Variants in SYNPR observed in about 807,000 individuals in gnomAD.
SYNPR encodes synaptoporin.
SYNPR carries 23 observed loss-of-function variants against 32.9 expected under a neutral mutation model. The observed-to-expected ratio is 0.70, with a 90% confidence interval of 0.50 to 0.99. The LOEUF (loss-of-function observed/expected upper bound fraction) is 0.99, where lower values mean the gene tolerates loss of function less well. SYNPR is among the 50% of genes least tolerant of loss of function. The probability of loss-of-function intolerance (pLI) is 0.00; values close to 1 mark genes in which losing one functional copy is unlikely to be tolerated. For synonymous variants in SYNPR, 146 were observed against 135.9 expected (o/e 1.07, Z -0.52); for missense variants, 318 against 349.3 (o/e 0.91, Z 0.71).
chr3:63,452,950 G>A (rs1288286604), intron 2 of SYNPR, among the ~76,000 whole-genome samples: 1 of 152,126 alleles, frequency 6.6e-6, no homozygotes, highest in Non-Finnish European at 1.5e-5. Flanking sequence ...TGTATGTACT[G>A]AGAGTGTCGA....
upstream of SYNPR, among the ~76,000 whole-genome samples, chr3:63,226,257 G>A (rs1483540177): frequency 1.3e-5 from 2 of 152,092 alleles, no homozygotes; most frequent in African/African-American, 4.8e-5. Flanking sequence ...TAGTGGGAAT[G>A]TAAATTAGTA....
intron 2 of SYNPR, among the ~76,000 whole-genome samples, chr3:63,472,146 T>G (rs1277030652): frequency 6.6e-6 from 1 of 152,184 alleles, no homozygotes; most frequent in Non-Finnish European, 1.5e-5. Context: ...TTCTGAACAT[T>G]GATGTGACAG....
chr3:63,251,636 G>A (rs559631271), intron 1 of SYNPR, among the ~76,000 whole-genome samples: 104 of 152,200 alleles, frequency 6.8e-4, no homozygotes, highest in Middle Eastern at 3.4e-3. Flanking sequence ...TGAGAGCAAC[G>A]TAGACATATC....
chr3:63,236,877 G>A (rs908879412), intron 1 of SYNPR, among the ~76,000 whole-genome samples: 1 of 151,966 alleles, frequency 6.6e-6, no homozygotes, highest in African/African-American at 2.4e-5. Context: ...CATTTCAGAG[G>A]CTAGAATTTC....
intron 3 of SYNPR, among the ~76,000 whole-genome samples, chr3:63,540,708 A>G (rs1179732971): frequency 6.6e-6 from 1 of 152,052 alleles, no homozygotes; most frequent in Admixed American, 6.6e-5. Context: ...CACTAGACAA[A>G]TATGTATTGG....
At chr3:63,595,981 A>ATATATATAGCTTTATATATATAGTTT (rs1699953827) in intron 4 of SYNPR, among the ~76,000 whole-genome samples, 1 of 121,942 alleles carries the variant, frequency 8.2e-6, no homozygotes, top group Non-Finnish European at 1.7e-5. Flanking sequence ...ATAGTTTTAT[A>ATATATATAGCTTTATATATATAGTTT]TATATATAGT....
chr3:63,448,996 G>A (rs1700331697), intron 2 of SYNPR, among the ~76,000 whole-genome samples: 2 of 152,180 alleles, frequency 1.3e-5, no homozygotes, highest in African/African-American at 4.8e-5. Context: ...GTAGGAAGCA[G>A]GGAGCTGGAA....
At position 63,431,716 on chromosome 3, in the gene SYNPR, G is replaced by C. The variant is rs187407565; in HGVS notation, c.85-49116G>C. 8.0e-5 allele frequency among the ~76,000 whole-genome samples: 12 copies of C among 150,670 alleles called. No individual in the cohort carries two copies. The East Asian group carries it at 2.1e-3, about 27-fold the overall frequency. ...TGTGAACTGTTACACGAATCATCAA[G>C]CCCATTAAAAACAAAACCAACAAAC... On this transcript the variant is annotated intron_variant, in intron 2 of 5. Transcript: ENST00000478300.
chr3:63,398,854 A>G (rs2088253200), intron 2 of SYNPR, among the ~76,000 whole-genome samples: 4 of 152,198 alleles, frequency 2.6e-5, no homozygotes. Flanking sequence ...GTGAACTGGG[A>G]AGAAGGTAAG....
intron 2 of SYNPR, among the ~76,000 whole-genome samples, chr3:63,465,436 C>A (rs1367645060): frequency 6.6e-6 from 1 of 151,980 alleles, no homozygotes; most frequent in African/African-American, 2.4e-5. Flanking sequence ...CTTTAAAAAG[C>A]ATGAAAACTA....
chr3:63,575,887 T>G (rs1702971457), intron 4 of SYNPR, among the ~76,000 whole-genome samples: 1 of 152,220 alleles, frequency 6.6e-6, no homozygotes, highest in Admixed American at 6.5e-5. Flanking sequence ...CCTTTTATGC[T>G]AAACTCTATT....
At chr3:63,228,649 T>C (rs1341474175) in intron 1 of SYNPR, among the ~76,000 whole-genome samples, 1 of 152,122 alleles carries the variant, frequency 6.6e-6, no homozygotes, top group Non-Finnish European at 1.5e-5. Context: ...CACCCCCTTT[T>C]TCATGGGTTA....
rs186580631 is a variant in SYNPR at position 63,319,529 on chromosome 3, T to C, written c.84+40787T>C. ...TAATCCCATTCACAATAGCAACTAA[T>C]ATTAATAAGATAAACTACCTAGGAA... On this transcript the variant is annotated intron_variant, in intron 2 of 5. Coordinates refer to ENST00000478300, the MANE Select transcript of SYNPR (RefSeq NM_001130003.2). 6.6e-3 allele frequency among the ~76,000 whole-genome samples: 933 copies of C among 141,788 alleles called. 13 individuals are homozygous for C. The highest frequency in any genetic ancestry group is 0.026 in the African/African-American group (837 of 31,880). 93.0% of individuals were successfully genotyped at this position (141,788 alleles called of 152,430 possible). A position where few individuals can be genotyped will look rare whatever the true frequency, so the allele number is the denominator to read the frequency against.
chr3:63,234,129 G>A (rs2086184075), intron 1 of SYNPR, among the ~76,000 whole-genome samples: 1 of 152,122 alleles, frequency 6.6e-6, no homozygotes, highest in Non-Finnish European at 1.5e-5. Flanking sequence ...TGGCTGGGGA[G>A]GCCTCATAAT....
intron 2 of SYNPR, among the ~76,000 whole-genome samples, chr3:63,257,849 G>A (rs190649333): frequency 6.0e-4 from 91 of 152,202 alleles, no homozygotes; most frequent in African/African-American, 1.5e-3. Flanking sequence ...ACACACATAG[G>A]CTTAAAATAA....
At chr3:63,284,982 C>A (rs745498821) in intron 2 of SYNPR, among the ~76,000 whole-genome samples, 4 of 152,194 alleles carry the variant, frequency 2.6e-5, no homozygotes, top group South Asian at 2.1e-4. Context: ...AATGCCAAAG[C>A]CAAGATTTGA....
intron 2 of SYNPR, among the ~76,000 whole-genome samples, chr3:63,384,982 AC>A (rs1332844720): frequency 2.0e-5 from 3 of 152,052 alleles, no homozygotes; most frequent in African/African-American, 7.2e-5. Flanking sequence ...AGGTGGAAAA[AC>A]CATGAGATTC....
chr3:63,372,440 G>A (rs1163866017), intron 2 of SYNPR, among the ~76,000 whole-genome samples: 2 of 152,140 alleles, frequency 1.3e-5, no homozygotes, highest in Non-Finnish European at 2.9e-5. Flanking sequence ...TGCTGCCCCT[G>A]GATTGGGGAA....
intron 3 of SYNPR, among the ~76,000 whole-genome samples, chr3:63,501,789 C>T (rs755486870): frequency 2.0e-5 from 3 of 152,018 alleles, no homozygotes; most frequent in Non-Finnish European, 2.9e-5. Context: ...GAATTTAACA[C>T]AATGTTAGAA....
Sources: gnomAD v4.1 joint callset for allele counts (sites outside exome capture counted in the v4.1 genomes callset) on GRCh38, gnomAD v4.1.1 for gene constraint, MANE v1.5 for transcripts, NCBI Gene and HGNC (gene_info 2026-07-23, HGNC 2026-07-21) for gene names.